The following MYO9A variants were observed in gnomAD, a reference collection of about 807,000 sequenced individuals.
The protein encoded by MYO9A is myosin IXA.
Under a neutral mutation model 293.3 loss-of-function variants are expected in MYO9A, and 103 were observed. The ratio of observed to expected loss-of-function variants is 0.35; its 90% CI spans 0.30 to 0.41. The LOEUF (loss-of-function observed/expected upper bound fraction) is 0.41, where lower values mean the gene tolerates loss of function less well. Ranked by LOEUF, MYO9A falls within the 10% of genes least tolerant of loss-of-function variation. The pLI is 1.00. For missense variants in MYO9A, 2,685 were observed against 3,033.0 expected, an observed-to-expected ratio of 0.89 and a Z score of 2.69; for synonymous variants, 1,001 against 1,035.7, an observed-to-expected ratio of 0.97 and a Z score of 0.64.
In MYO9A at chr15:72,117,760, C is replaced by T. The variant is rs1263785246; in HGVS notation, c.-152G>A. On this transcript the variant is annotated 5_prime_UTR_variant, in exon 1 of 42. Transcript: ENST00000356056. ...TTCCACCCTCCGCCCCAGGGTAGGA[C>T]CGGAGATGGCAGAAGAGGCCGAGGC... is the stretch of plus-strand genomic sequence containing the variant. 7.5e-6 allele frequency: 3 copies of T among 397,938 alleles called. No homozygotes were observed. Among genetic ancestry groups the T allele is most frequent in the Non-Finnish European group, 1.3e-5 (3 of 225,368 alleles). 24.7% of individuals were successfully genotyped at this position (397,938 alleles called of 1,614,324 possible). A position where few individuals can be genotyped will look rare whatever the true frequency, so the allele number is the denominator to read the frequency against.
At chr15:71,939,331 A>AT (rs1163397766) in intron 15 of MYO9A, among the ~76,000 whole-genome samples, 1 of 151,914 alleles carries the variant, frequency 6.6e-6, no homozygotes, top group Admixed American at 6.6e-5. Context: ...CTCAATAGCT[A>AT]TTTTTTCTGC....
chr15:72,019,759 CT>C (rs1463277457), intron 5 of MYO9A, among the ~76,000 whole-genome samples: 1 of 151,492 alleles, frequency 6.6e-6, no homozygotes, highest in African/African-American at 2.4e-5. Flanking sequence ...TTCTTTTTTT[CT>C]TTTTTTTGAG....
chr15:71,851,687 C>A (rs372390913), intron 36 of MYO9A, among the ~76,000 whole-genome samples: 5 of 152,182 alleles, frequency 3.3e-5, no homozygotes, highest in African/African-American at 9.6e-5. Context: ...GGCCTAAATA[C>A]CTCTAGGAAG....
intron 1 of MYO9A, among the ~76,000 whole-genome samples, chr15:72,091,832 A>T (rs1438987357): frequency 3.3e-5 from 5 of 150,954 alleles, no homozygotes; most frequent in African/African-American, 1.2e-4. Context: ...TCCCTGCCTC[A>T]GCCTCCCGAG....
chr15:71,878,260 G>A, intron 30 of MYO9A, 29 bp from the exon 31 acceptor site: 4 of 1,440,556 alleles, frequency 2.8e-6, no homozygotes, highest in Non-Finnish European at 3.7e-6. Flanking sequence ...GAAATGTATG[G>A]TTTTATAAAG....
At chr15:72,066,845 C>A (rs1370156461) in intron 1 of MYO9A, among the ~76,000 whole-genome samples, 2 of 151,576 alleles carry the variant, frequency 1.3e-5, no homozygotes, top group Admixed American at 1.3e-4. Context: ...TGCTCTCCAG[C>A]CTGGGCAACA....
intron 2 of MYO9A, among the ~76,000 whole-genome samples, chr15:72,039,032 C>G (rs570963489): frequency 7.2e-5 from 11 of 152,026 alleles, no homozygotes; most frequent in Middle Eastern, 3.4e-3. Flanking sequence ...TCCATATAGT[C>G]TATACAGAGG....
intron 1 of MYO9A, among the ~76,000 whole-genome samples, chr15:72,084,500 T>G (rs12440299): frequency 0.044 from 6,732 of 152,230 alleles, 264 homozygotes; most frequent in East Asian, 0.18. Flanking sequence ...AAGTGTGGAT[T>G]TGATACTGAC....
At chr15:72,100,430 G>A (rs1335775077) in intron 1 of MYO9A, among the ~76,000 whole-genome samples, 11 of 151,946 alleles carry the variant, frequency 7.2e-5, no homozygotes, top group Admixed American at 5.2e-4. Context: ...CATCGTCTGG[G>A]ATGTGGGGAG....
At chr15:71,979,337 T>G (rs2076217445) in intron 11 of MYO9A, among the ~76,000 whole-genome samples, 1 of 152,068 alleles carries the variant, frequency 6.6e-6, no homozygotes, top group Non-Finnish European at 1.5e-5. Flanking sequence ...CCCCCAATTT[T>G]TTGCAGCATG....
chr15:71,998,571 TTTTC>T (rs1198448417), intron 9 of MYO9A, among the ~76,000 whole-genome samples: 1 of 150,594 alleles, frequency 6.6e-6, no homozygotes, highest in Non-Finnish European at 1.5e-5. Flanking sequence ...TTGTCTTTTT[TTTTC>T]TTTTTATTAT....
At chr15:72,037,768 A>T (rs564835871) in intron 2 of MYO9A, among the ~76,000 whole-genome samples, 13 of 152,296 alleles carry the variant, frequency 8.5e-5, no homozygotes, top group African/African-American at 2.9e-4. Flanking sequence ...ATTATTATTT[A>T]AAAATGTCTA....
chr15:71,978,279 G>A lies in MYO9A; in HGVS notation c.1736C>T (p.Thr579Ile). The change falls in exon 12 of 42, where the codon ACT becomes ATT. Residue 579 changes from threonine to isoleucine, a missense_variant. Physicochemically the swap from Thr to Ile is moderately conservative, Grantham distance 89 (BLOSUM62 -1). This residue lies in a region of MYO9A where 201 missense variants were observed against 245.2 expected (regional missense o/e 0.82). Coordinates refer to ENST00000356056, the MANE Select transcript of MYO9A (RefSeq NM_006901.4). Reference protein sequence around the residue: ...IFKLEQEEYRTEGISWHNIDY... With the variant: ...IFKLEQEEYRIEGISWHNIDY... Reference sequence around the variant, plus strand: ...TATGTTGTGCCAGCTGATACCTTCAGTTCTATATTCCTCCTAGAAAAACCA... The same window carrying A: ...TATGTTGTGCCAGCTGATACCTTCAATTCTATATTCCTCCTAGAAAAACCA... 1 of 1,604,914 alleles carries A rather than the reference G, an allele frequency of 6.2e-7. No individual in the cohort carries two copies. Among genetic ancestry groups the A allele is most frequent in the Non-Finnish European group, 8.5e-7 (1 of 1,176,962 alleles).
At chr15:71,880,242 T>C in intron 29 of MYO9A, 93 bp downstream of exon 29, 6 of 1,070,712 alleles carry the variant, frequency 5.6e-6, no homozygotes, top group Non-Finnish European at 8.4e-6. Context: ...TGGAAGCATA[T>C]GTAATTTTGA....
At chr15:72,010,301 T>G in intron 7 of MYO9A, 49 bp downstream of exon 7, 1 of 1,483,058 alleles carries the variant, frequency 6.7e-7, no homozygotes, top group Non-Finnish European at 9.4e-7. Context: ...TTCAAAGACA[T>G]ATCATGTGTT....
intron 11 of MYO9A, among the ~76,000 whole-genome samples, chr15:71,990,319 A>G (rs2076508325): frequency 6.6e-6 from 1 of 151,896 alleles, no homozygotes; most frequent in African/African-American, 2.4e-5. Context: ...TCCTGGGCTC[A>G]AGAGATCCAC....
chr15:72,021,235 A>T (rs1197799479), intron 4 of MYO9A, among the ~76,000 whole-genome samples: 1 of 152,204 alleles, frequency 6.6e-6, no homozygotes, highest in Non-Finnish European at 1.5e-5. Context: ...CAAAGTTAAC[A>T]AAGTTAGGAC....
chr15:72,095,967 G>C (rs2080049009), intron 1 of MYO9A, among the ~76,000 whole-genome samples: 1 of 151,802 alleles, frequency 6.6e-6, no homozygotes, highest in African/African-American at 2.4e-5. Context: ...AAGAGTTTGA[G>C]ACCAACCTGG....
At chr15:72,085,944 G>A (rs925109583) in intron 1 of MYO9A, among the ~76,000 whole-genome samples, 3 of 152,166 alleles carry the variant, frequency 2.0e-5, no homozygotes, top group Admixed American at 6.5e-5. Context: ...CTCTAAATCT[G>A]GGGGACTGGT....
Sources: allele counts gnomAD v4.1 joint callset (sites outside exome capture counted in the v4.1 genomes callset), GRCh38; gene constraint gnomAD v4.1.1; regional missense constraint gnomAD v4.1.1; transcripts MANE v1.5; gene names NCBI Gene and HGNC (gene_info 2026-07-23, HGNC 2026-07-21).